Variants in ABTB2 observed in about 807,000 individuals in gnomAD.
ABTB2 encodes the protein ankyrin repeat and BTB/POZ domain-containing protein 2.
ABTB2 carries 56 observed loss-of-function variants against 104.1 expected under a neutral mutation model. The observed-to-expected ratio is 0.54, with a 90% CI of 0.43 to 0.67. The LOEUF (loss-of-function observed/expected upper bound fraction) is 0.67, where lower values mean the gene tolerates loss of function less well. Ranked by LOEUF, ABTB2 falls within the 30% of genes least tolerant of loss-of-function variation. ABTB2 has a pLI of 0.00. For missense variants in ABTB2, 1,279 were observed against 1,407.7 expected (o/e 0.91, Z 1.46); for synonymous variants, 606 against 608.2 (o/e 1.00, Z 0.05).
intron 1 of ABTB2, among the ~76,000 whole-genome samples, chr11:34,347,523 T>C (rs1321295988): frequency 1.3e-5 from 2 of 152,250 alleles, no homozygotes; most frequent in Non-Finnish European, 2.9e-5. Context: ...ATTTTTGCAA[T>C]ATGTTCATGA....
At chr11:34,191,849 C>T (rs1853180288) in intron 3 of ABTB2, among the ~76,000 whole-genome samples, 1 of 152,242 alleles carries the variant, frequency 6.6e-6, no homozygotes, top group South Asian at 2.1e-4. Context: ...TGTTCCCTTG[C>T]TCTGCTCCTC....
chr11:34,299,900 G>A (rs1488722222), intron 1 of ABTB2, among the ~76,000 whole-genome samples: 1 of 152,188 alleles, frequency 6.6e-6, no homozygotes, highest in African/African-American at 2.4e-5. Flanking sequence ...TCACCTCTTT[G>A]TGCTCCAGTT....
intron 1 of ABTB2, among the ~76,000 whole-genome samples, chr11:34,272,212 C>T (rs1854322340): frequency 6.8e-6 from 1 of 147,490 alleles, no homozygotes. Flanking sequence ...CAGTGCTTGG[C>T]ATACAATAAG....
intron 1 of ABTB2, among the ~76,000 whole-genome samples, chr11:34,242,970 G>A (rs1259352540): frequency 6.6e-6 from 1 of 152,126 alleles, no homozygotes; most frequent in African/African-American, 2.4e-5. Flanking sequence ...AAGCTGGGAG[G>A]AAGCTGGGTG....
intron 1 of ABTB2, among the ~76,000 whole-genome samples, chr11:34,264,130 G>A (rs939996322): frequency 2.6e-5 from 4 of 152,168 alleles, no homozygotes; most frequent in Admixed American, 1.3e-4. Flanking sequence ...AGAGTTTTAG[G>A]GCCATCAGGA....
intron 1 of ABTB2, among the ~76,000 whole-genome samples, chr11:34,253,893 G>A (rs573365436): frequency 6.6e-6 from 1 of 152,176 alleles, no homozygotes; most frequent in South Asian, 2.1e-4. Context: ...TTTGGCCCTT[G>A]AGCTTAAAAC....
intron 3 of ABTB2, among the ~76,000 whole-genome samples, chr11:34,182,505 G>GGGGGGC (rs1853042528): frequency 2.2e-5 from 3 of 138,666 alleles, no homozygotes; most frequent in African/African-American, 5.5e-5. Flanking sequence ...TCTGGGGGGG[G>GGGGGGC]GGGGAAATTC....
chr11:34,313,310 G>A (rs983957589), intron 1 of ABTB2, among the ~76,000 whole-genome samples: 5 of 152,232 alleles, frequency 3.3e-5, no homozygotes, highest in Non-Finnish European at 7.3e-5. Context: ...CAGACGGAGT[G>A]TCCCATTGGG....
At chr11:34,277,532 C>T (rs1398829323) in intron 1 of ABTB2, among the ~76,000 whole-genome samples, 2 of 151,310 alleles carry the variant, frequency 1.3e-5, no homozygotes, top group Non-Finnish European at 2.9e-5. Context: ...GCCTGTAATC[C>T]TAGCACTTTG....
intron 1 of ABTB2, among the ~76,000 whole-genome samples, chr11:34,311,971 T>G (rs1170440587): frequency 6.6e-6 from 1 of 151,806 alleles, no homozygotes; most frequent in Admixed American, 6.6e-5. Flanking sequence ...TGAAACCCCG[T>G]GTCTACTAAA....
intron 1 of ABTB2, among the ~76,000 whole-genome samples, chr11:34,233,831 T>A (rs1478008518): frequency 6.6e-6 from 1 of 152,130 alleles, no homozygotes; most frequent in East Asian, 1.9e-4. Context: ...TACTAACCTA[T>A]CAATTTTTTA....
intron 1 of ABTB2, among the ~76,000 whole-genome samples, chr11:34,274,476 A>G (rs530544321): frequency 1.3e-5 from 2 of 151,776 alleles, no homozygotes; most frequent in African/African-American, 2.4e-5. Context: ...TATTAATACT[A>G]TGATTCTTTC....
At chr11:34,156,611 C>T (rs968674639) in intron 14 of ABTB2, among the ~76,000 whole-genome samples, 1 of 151,968 alleles carries the variant, frequency 6.6e-6, no homozygotes, top group Admixed American at 6.6e-5. Flanking sequence ...GCAACCTCCA[C>T]CTCCTGGGTT....
intron 1 of ABTB2, among the ~76,000 whole-genome samples, chr11:34,273,742 C>A (rs7937292): frequency 6.6e-6 from 1 of 152,014 alleles, no homozygotes; most frequent in South Asian, 2.1e-4. Context: ...ACTGGGGCAA[C>A]GATCTAGAAA....
chr11:34,309,181 T>A (rs980452132), intron 1 of ABTB2, among the ~76,000 whole-genome samples: 8 of 152,208 alleles, frequency 5.3e-5, no homozygotes, highest in African/African-American at 1.9e-4. Context: ...CGTGTGTTTT[T>A]TTGCCAAAGT....
At chr11:34,275,214 T>C (rs1308111112) in intron 1 of ABTB2, among the ~76,000 whole-genome samples, 1 of 152,170 alleles carries the variant, frequency 6.6e-6, no homozygotes, top group African/African-American at 2.4e-5. Context: ...CAGCATTCCT[T>C]ACGCAAGCCC....
At chr11:34,310,933 C>CG (rs1427580867) in intron 1 of ABTB2, among the ~76,000 whole-genome samples, 1 of 152,198 alleles carries the variant, frequency 6.6e-6, no homozygotes, top group Non-Finnish European at 1.5e-5. Context: ...GCAATTTCCC[C>CG]GGTGGTCCCT....
At chr11:34,321,445 A>T (rs921598235) in intron 1 of ABTB2, among the ~76,000 whole-genome samples, 31 of 152,262 alleles carry the variant, frequency 2.0e-4, no homozygotes, top group African/African-American at 7.5e-4. Context: ...TCTGTCTCAA[A>T]GTAAATAAAA....
chr11:34,344,535 C>T (rs902714830), intron 1 of ABTB2, among the ~76,000 whole-genome samples: 2 of 152,204 alleles, frequency 1.3e-5, no homozygotes, highest in African/African-American at 4.8e-5. Context: ...CTCTGTTGCC[C>T]AGGCTGGAGT....
Sources: allele counts gnomAD v4.1 joint callset (sites outside exome capture counted in the v4.1 genomes callset), GRCh38; gene constraint gnomAD v4.1.1; transcripts MANE v1.5; gene names NCBI Gene and HGNC (gene_info 2026-07-23, HGNC 2026-07-21).